The following CDH18 variants were observed in gnomAD, a reference collection of about 807,000 sequenced individuals.
CDH18 encodes cadherin-18.
In CDH18, 31 loss-of-function variants were observed where a neutral mutation model predicts 67.9. That is an observed-to-expected ratio of 0.46 (90% CI 0.34 to 0.62). The LOEUF (loss-of-function observed/expected upper bound fraction) is 0.62. Ranked by LOEUF, CDH18 falls within the 20% of genes least tolerant of loss-of-function variation. The pLI is 0.01. For missense variants in CDH18, 890 were observed against 975.5 expected, an observed-to-expected ratio of 0.91 and a Z score of 1.17; for synonymous variants, 362 against 347.2, an observed-to-expected ratio of 1.04 and a Z score of -0.48.
chr5:20,398,342 TTTCA>T (rs1264300509), intron 1 of CDH18, among the ~76,000 whole-genome samples: 1 of 152,206 alleles, frequency 6.6e-6, no homozygotes, highest in Non-Finnish European at 1.5e-5. Context: ...AAGTGACTAG[TTTCA>T]TTATCACTAA....
chr5:20,015,417 A>G (rs1176549270), intron 2 of CDH18, among the ~76,000 whole-genome samples: 1 of 152,278 alleles, frequency 6.6e-6, no homozygotes, highest in African/African-American at 2.4e-5. Flanking sequence ...GTAAAATCTC[A>G]GAGCAGCGGT....
rs73062622 is a variant in CDH18, at chr5:20,498,031, G to T, written c.-580+77431C>A. Among the ~76,000 whole-genome samples, 225 of 152,124 alleles carry T rather than the reference G, an allele frequency of 1.5e-3. 1 individual carries two copies. The highest frequency in any genetic ancestry group is 5.3e-3 in the African/African-American group (220 of 41,528). Reference sequence around the variant, plus strand: ...GGTATTATCTATGAGCCATAAAGTGGGTCCTCACTAGAGATCAAATCTGCC... The same window carrying T: ...GGTATTATCTATGAGCCATAAAGTGTGTCCTCACTAGAGATCAAATCTGCC... On this transcript the variant is annotated intron_variant, in intron 1 of 14. Transcript: ENST00000507958.
At chr5:19,911,001 G>A (rs939557416) in intron 2 of CDH18, among the ~76,000 whole-genome samples, 1 of 152,132 alleles carries the variant, frequency 6.6e-6, no homozygotes. Flanking sequence ...GCAGACTGGA[G>A]GTAGGGGAAA....
chr5:19,573,826 C>T (rs1401353611), intron 7 of CDH18, among the ~76,000 whole-genome samples: 6 of 152,102 alleles, frequency 3.9e-5, no homozygotes, highest in African/African-American at 9.7e-5. Context: ...CATGGAAATA[C>T]GAATACCTGG....
intron 10 of CDH18, among the ~76,000 whole-genome samples, chr5:19,516,895 T>G (rs347714): frequency 0.52 from 79,541 of 151,756 alleles, 21,227 homozygotes; most frequent in African/African-American, 0.62. Flanking sequence ...AAGGATGTCT[T>G]TGTTGGTTCC....
intron 1 of CDH18, among the ~76,000 whole-genome samples, chr5:20,485,248 C>T (rs1459605035): frequency 6.6e-6 from 1 of 152,114 alleles, no homozygotes; most frequent in Non-Finnish European, 1.5e-5. Flanking sequence ...CATTCTGACA[C>T]TACAACTATA....
chr5:20,217,919 C>A (rs75442233), intron 2 of CDH18, among the ~76,000 whole-genome samples: 2 of 151,728 alleles, frequency 1.3e-5, no homozygotes, highest in Non-Finnish European at 2.9e-5. Context: ...AGAGACAAAA[C>A]TGACATTATA....
chr5:19,642,135 A>G (rs1414760634), intron 5 of CDH18, among the ~76,000 whole-genome samples: 2 of 152,018 alleles, frequency 1.3e-5, no homozygotes, highest in Non-Finnish European at 2.9e-5. Context: ...AAGAGGCAAA[A>G]TATTTGTACA....
intron 2 of CDH18, among the ~76,000 whole-genome samples, chr5:20,223,499 T>G (rs910169487): frequency 9.9e-5 from 15 of 152,032 alleles, no homozygotes; most frequent in Admixed American, 9.2e-4. Context: ...TTAAGACTTT[T>G]GGGGACTGTT....
intron 1 of CDH18, among the ~76,000 whole-genome samples, chr5:20,566,511 C>G (rs1349018889): frequency 2.7e-5 from 4 of 149,024 alleles, no homozygotes; most frequent in Admixed American, 6.7e-5. Flanking sequence ...AGGTTCGCGC[C>G]ACCATGCCCA....
intron 2 of CDH18, among the ~76,000 whole-genome samples, chr5:20,093,126 A>C (rs1745587061): frequency 6.6e-6 from 1 of 152,076 alleles, no homozygotes; most frequent in Non-Finnish European, 1.5e-5. Flanking sequence ...ATTCCCAACA[A>C]CTTGGGACGG....
intron 2 of CDH18, among the ~76,000 whole-genome samples, chr5:19,851,811 A>G (rs1257595143): frequency 6.6e-6 from 1 of 151,808 alleles, no homozygotes; most frequent in Non-Finnish European, 1.5e-5. Flanking sequence ...TGTCAAGTAG[A>G]CAATAATCTC....
At chr5:19,679,321 T>C (rs1036919419) in intron 5 of CDH18, among the ~76,000 whole-genome samples, 3 of 151,896 alleles carry the variant, frequency 2.0e-5, no homozygotes, top group Admixed American at 6.6e-5. Flanking sequence ...ATAGAAGCCA[T>C]CTATGAAAAA....
intron 1 of CDH18, among the ~76,000 whole-genome samples, chr5:20,570,093 T>C (rs977868141): frequency 2.0e-5 from 3 of 152,178 alleles, no homozygotes; most frequent in Non-Finnish European, 4.4e-5. Context: ...TCTGATACTA[T>C]AAACGTGGAT....
chr5:19,614,369 T>C, intron 5 of CDH18, among the ~76,000 whole-genome samples: 1 of 150,926 alleles, frequency 6.6e-6, no homozygotes, highest in Non-Finnish European at 1.5e-5. Context: ...ATTATTCTTA[T>C]CAAAATAAAT....
chr5:20,087,647 T>C (rs753382905), intron 2 of CDH18, among the ~76,000 whole-genome samples: 1 of 152,188 alleles, frequency 6.6e-6, no homozygotes, highest in Non-Finnish European at 1.5e-5. Flanking sequence ...CTCAGATGAA[T>C]GTTAGTATAT....
intron 11 of CDH18, among the ~76,000 whole-genome samples, chr5:19,484,907 T>C (rs904224280): frequency 3.3e-5 from 5 of 152,218 alleles, no homozygotes; most frequent in Non-Finnish European, 7.3e-5. Context: ...TATTTTGCAC[T>C]AAAAAGTAAG....
chr5:20,292,676 C>CT (rs1404475417), intron 1 of CDH18, among the ~76,000 whole-genome samples: 3 of 151,390 alleles, frequency 2.0e-5, no homozygotes, highest in African/African-American at 7.3e-5. Context: ...GTGTTCCATG[C>CT]TTTTTTTTTC....
chr5:19,765,362 G>C (rs1362879156), intron 3 of CDH18, among the ~76,000 whole-genome samples: 2 of 151,456 alleles, frequency 1.3e-5, no homozygotes, highest in South Asian at 2.1e-4. Flanking sequence ...CAGAAAAAAA[G>C]ACAATCTCAA....
Sources: allele counts gnomAD v4.1 joint callset (sites outside exome capture counted in the v4.1 genomes callset), GRCh38; gene constraint gnomAD v4.1.1; transcripts MANE v1.5; gene names NCBI Gene and HGNC (gene_info 2026-07-23, HGNC 2026-07-21).